Variants in RIMS2 observed in about 807,000 individuals in gnomAD.
RIMS2 encodes regulating synaptic membrane exocytosis protein 2.
A neutral mutation model predicts 174.4 loss-of-function variants in RIMS2; 59 were observed. The ratio of observed to expected loss-of-function variants is 0.34; its 90% CI spans 0.27 to 0.42. RIMS2 has a LOEUF of 0.42. Ranked by LOEUF, RIMS2 falls within the 10% of genes least tolerant of loss-of-function variation. The pLI is 1.00. For synonymous variants in RIMS2, 606 were observed against 572.5 expected (o/e 1.06, Z -0.84); for missense variants, 1,620 against 1,666.3 (o/e 0.97, Z 0.48).
intron 1 of RIMS2, among the ~76,000 whole-genome samples, chr8:103,606,954 C>T (rs1040927880): frequency 1.5e-4 from 23 of 152,080 alleles, no homozygotes; most frequent in Admixed American, 1.2e-3. Context: ...ACTCTTTATC[C>T]AATTTGCCAG....
At chr8:103,545,590 C>T (rs894463515) in intron 1 of RIMS2, among the ~76,000 whole-genome samples, 5 of 151,884 alleles carry the variant, frequency 3.3e-5, no homozygotes, top group East Asian at 3.9e-4. Context: ...TCTCCAAGGT[C>T]GAAATGAAAG....
chr8:103,899,666 G>A (rs1225029787), intron 4 of RIMS2, among the ~76,000 whole-genome samples: 2 of 151,632 alleles, frequency 1.3e-5, no homozygotes, highest in Admixed American at 6.6e-5. Flanking sequence ...CCATTCTGTA[G>A]GTTGCCTGTT....
In RIMS2 at chr8:104,225,369, T is replaced by A. The variant is rs149566649; in HGVS notation, c.3335-19547T>A. Among the ~76,000 whole-genome samples, 937 of 152,316 alleles carry A rather than the reference T, an allele frequency of 6.2e-3. 6 individuals are homozygous for A. Among genetic ancestry groups the A allele is most frequent in the Non-Finnish European group, 0.011 (751 of 68,026 alleles). Reference sequence around the variant, plus strand: ...TATACTAGATTATTATTTTCTTATATTTGGCTACATTCACATACATAGTAA... The same window carrying A: ...TATACTAGATTATTATTTTCTTATAATTGGCTACATTCACATACATAGTAA... On this transcript the variant is annotated intron_variant, in intron 19 of 23. Coordinates refer to ENST00000504942, the Ensembl canonical transcript of RIMS2.
At chr8:104,169,678 G>A (rs2098820847) in intron 19 of RIMS2, among the ~76,000 whole-genome samples, 1 of 151,524 alleles carries the variant, frequency 6.6e-6, no homozygotes, top group African/African-American at 2.4e-5. Context: ...TTTCACTTAG[G>A]TCTGCTCTGA....
At chr8:104,197,378 TGTTGGCCAGG>T (rs199786373) in intron 19 of RIMS2, among the ~76,000 whole-genome samples, 2,919 of 152,228 alleles carry the variant, frequency 0.019, 39 homozygotes, top group Middle Eastern at 0.031. Context: ...GGTTTCACCA[TGTTGGCCAGG>T]CTGGCCTTGA....
At chr8:104,188,237 A>AGATGATAGATAGAT (rs1280303732) in intron 19 of RIMS2, among the ~76,000 whole-genome samples, 3 of 138,872 alleles carry the variant, frequency 2.2e-5, no homozygotes, top group African/African-American at 8.4e-5. Context: ...ATAGATAGAT[A>AGATGATAGATAGAT]GATAGATAGA....
intron 3 of RIMS2, among the ~76,000 whole-genome samples, chr8:103,842,207 T>C (rs1046820635): frequency 6.6e-6 from 1 of 152,126 alleles, no homozygotes; most frequent in African/African-American, 2.4e-5. Context: ...TCAGTTATTT[T>C]ATATTAGAAT....
At chr8:103,622,935 T>C (rs896014280) in intron 1 of RIMS2, among the ~76,000 whole-genome samples, 2 of 152,202 alleles carry the variant, frequency 1.3e-5, no homozygotes, top group Admixed American at 6.5e-5. Context: ...CTGAACAGGA[T>C]GGCTGTCAAA....
intron 3 of RIMS2, among the ~76,000 whole-genome samples, chr8:103,850,785 G>T (rs2098993656): frequency 6.6e-6 from 1 of 152,010 alleles, no homozygotes; most frequent in African/African-American, 2.4e-5. Flanking sequence ...AAATGTACCA[G>T]ATCTGCTCTG....
chr8:103,953,387 A>C (rs951302956), intron 14 of RIMS2, among the ~76,000 whole-genome samples: 5 of 152,226 alleles, frequency 3.3e-5, no homozygotes, highest in Admixed American at 6.5e-5. Flanking sequence ...AGCCCATCAG[A>C]GTAACAGTGG....
intron 1 of RIMS2, among the ~76,000 whole-genome samples, chr8:103,675,657 C>G (rs2096799735): frequency 6.6e-6 from 1 of 152,158 alleles, no homozygotes; most frequent in Non-Finnish European, 1.5e-5. Context: ...CCAGTACACC[C>G]AGGCAGAAAT....
intron 19 of RIMS2, among the ~76,000 whole-genome samples, chr8:104,120,113 A>T (rs2098348919): frequency 6.6e-6 from 1 of 152,116 alleles, no homozygotes; most frequent in Non-Finnish European, 1.5e-5. Context: ...TCATTTCTTC[A>T]GGCTTCAGTT....
chr8:103,641,466 A>T (rs2096228974), intron 1 of RIMS2, among the ~76,000 whole-genome samples: 1 of 152,110 alleles, frequency 6.6e-6, no homozygotes, highest in South Asian at 2.1e-4. Flanking sequence ...ACACTAGGTC[A>T]TATTTCTTGT....
intron 17 of RIMS2, among the ~76,000 whole-genome samples, chr8:104,001,551 T>G (rs1461889499): frequency 6.6e-6 from 1 of 151,994 alleles, no homozygotes; most frequent in Non-Finnish European, 1.5e-5. Context: ...TGTTATATCC[T>G]TGTGCCTCTT....
intron 1 of RIMS2, among the ~76,000 whole-genome samples, chr8:103,629,493 A>G (rs1258655248): frequency 6.6e-6 from 1 of 152,218 alleles, no homozygotes; most frequent in Non-Finnish European, 1.5e-5. Context: ...TGCAGCCCAC[A>G]AAAATAAGCT....
chr8:103,999,882 A>G (rs1267693027), intron 17 of RIMS2, among the ~76,000 whole-genome samples: 1 of 151,728 alleles, frequency 6.6e-6, no homozygotes, highest in Non-Finnish European at 1.5e-5. Flanking sequence ...ACATTTATGA[A>G]TTGTCTTTCT....
intron 1 of RIMS2, among the ~76,000 whole-genome samples, chr8:103,676,186 C>T (rs1415280106): frequency 6.6e-6 from 1 of 151,876 alleles, no homozygotes; most frequent in African/African-American, 2.4e-5. Flanking sequence ...CTTTCATACA[C>T]CCTTACAAAT....
intron 19 of RIMS2, among the ~76,000 whole-genome samples, chr8:104,137,254 C>T (rs1283453719): frequency 6.6e-6 from 1 of 152,034 alleles, no homozygotes; most frequent in African/African-American, 2.4e-5. Flanking sequence ...TTTAGTAAAG[C>T]CTTAGTGCCT....
At chr8:103,559,592 A>G (rs920147956) in intron 1 of RIMS2, among the ~76,000 whole-genome samples, 1 of 152,194 alleles carries the variant, frequency 6.6e-6, no homozygotes, top group Admixed American at 6.5e-5. Flanking sequence ...ATCTTTTCCT[A>G]ATGACACTGT....
Sources: gnomAD v4.1 joint callset for allele counts (sites outside exome capture counted in the v4.1 genomes callset) on GRCh38, gnomAD v4.1.1 for gene constraint, MANE v1.5 for transcripts, NCBI Gene and HGNC (gene_info 2026-07-23, HGNC 2026-07-21) for gene names.